Variants in EPHA6 observed in about 807,000 individuals in gnomAD.
EPHA6 encodes the protein EPH receptor A6.
A neutral mutation model predicts 112.0 loss-of-function variants in EPHA6; 50 were observed. That is an observed-to-expected ratio of 0.45 (90% CI 0.36 to 0.56). The LOEUF is 0.56. Ranked by LOEUF, EPHA6 falls within the 20% of genes least tolerant of loss-of-function variation. The pLI, the probability that EPHA6 is intolerant of heterozygous loss-of-function variation, is 0.00. For synonymous variants in EPHA6, 529 were observed against 490.7 expected (o/e 1.08, Z -1.03); for missense variants, 1,280 against 1,417.4 (o/e 0.90, Z 1.56).
intron 3 of EPHA6, among the ~76,000 whole-genome samples, chr3:97,175,146 G>A (rs759149290): frequency 6.6e-6 from 1 of 151,812 alleles, no homozygotes; most frequent in Non-Finnish European, 1.5e-5. Context: ...ACCATTTGTT[G>A]AAGGACTGTC....
At chr3:97,323,084 G>A (rs2082195735) in intron 5 of EPHA6, among the ~76,000 whole-genome samples, 2 of 151,798 alleles carry the variant, frequency 1.3e-5, no homozygotes, top group African/African-American at 4.8e-5. Context: ...ATCTAAATTT[G>A]AACAAAATAC....
At position 97,062,573 on chromosome 3, in the gene EPHA6, A is replaced by G. The variant is rs536580438; in HGVS notation, c.1114+74580A>G. ...CAACCCAAATCTCACCTTGAATTGTAGCTCCTATAATTCCCATGTGTTGTG... is the reference window on the plus strand; with the variant it reads ...CAACCCAAATCTCACCTTGAATTGTGGCTCCTATAATTCCCATGTGTTGTG... On this transcript the variant is annotated intron_variant, in intron 3 of 17. Coordinates refer to ENST00000389672, the MANE Select transcript of EPHA6 (RefSeq NM_001080448.3). Among the ~76,000 whole-genome samples, 3 of 152,316 alleles carry G rather than the reference A, an allele frequency of 2.0e-5. No homozygotes were observed. The South Asian group carries it at 6.2e-4, about 32-fold the overall frequency.
intron 6 of EPHA6, among the ~76,000 whole-genome samples, chr3:97,413,579 A>C (rs762233802): frequency 6.6e-6 from 1 of 152,076 alleles, no homozygotes; most frequent in Non-Finnish European, 1.5e-5. Context: ...AGCCTTTGAA[A>C]AGTGAGTGCA....
intron 3 of EPHA6, among the ~76,000 whole-genome samples, chr3:97,203,994 GA>G (rs930026710): frequency 5.4e-4 from 81 of 149,388 alleles, no homozygotes; most frequent in East Asian, 1.8e-3. Context: ...AATAATAAAT[GA>G]AAAAAAAAGA....
chr3:97,457,841 C>A (rs2090742109), intron 7 of EPHA6, among the ~76,000 whole-genome samples: 1 of 151,660 alleles, frequency 6.6e-6, no homozygotes, highest in African/African-American at 2.4e-5. Flanking sequence ...CCGAGGGGGG[C>A]GGATCACGAG....
At chr3:97,493,244 TTG>T (rs1391993919) in intron 10 of EPHA6, among the ~76,000 whole-genome samples, 2 of 151,646 alleles carry the variant, frequency 1.3e-5, no homozygotes, top group African/African-American at 4.8e-5. Flanking sequence ...GTAAATGTGT[TTG>T]TGTTTGTATG....
chr3:97,530,084 G>A (rs2092678836), intron 10 of EPHA6, among the ~76,000 whole-genome samples: 2 of 151,840 alleles, frequency 1.3e-5, no homozygotes, highest in South Asian at 2.1e-4. Flanking sequence ...TTAAGACAAA[G>A]TAAAAGAAAA....
At chr3:97,189,971 G>C (rs1273300340) in intron 3 of EPHA6, among the ~76,000 whole-genome samples, 1 of 151,972 alleles carries the variant, frequency 6.6e-6, no homozygotes, top group Non-Finnish European at 1.5e-5. Context: ...CAGTGTATTG[G>C]AGATGGATGA....
chr3:96,869,234 C>T (rs1414746582), intron 2 of EPHA6, among the ~76,000 whole-genome samples: 1 of 151,860 alleles, frequency 6.6e-6, no homozygotes, highest in Non-Finnish European at 1.5e-5. Flanking sequence ...TATTGAAGCA[C>T]AGCGATAATT....
rs528787676 is a variant in EPHA6, at chr3:96,830,368, A to T, written c.385+15360A>T. On this transcript the variant is annotated intron_variant, in intron 1 of 17. Transcript: ENST00000389672. ...ATGGAGGATTTGACATACCAGAAAA[A>T]AAGAAAATACCAAATACTTTTCAAC... Among the ~76,000 whole-genome samples the T allele has an allele frequency of 2.2e-4, 34 of 152,260 alleles. 1 individual carries two copies. Among genetic ancestry groups the T allele is most frequent in the African/African-American group, 5.8e-4 (24 of 41,560 alleles).
intron 10 of EPHA6, among the ~76,000 whole-genome samples, chr3:97,530,006 A>T (rs2107643097): frequency 6.6e-6 from 1 of 152,180 alleles, no homozygotes; most frequent in Non-Finnish European, 1.5e-5. Flanking sequence ...AATCATATGG[A>T]TTATGGGCTC....
chr3:97,555,753 C>T (rs1271393174), intron 11 of EPHA6, among the ~76,000 whole-genome samples: 1 of 152,040 alleles, frequency 6.6e-6, no homozygotes, highest in Non-Finnish European at 1.5e-5. Context: ...TCATATCCTT[C>T]ACCCACTTTT....
At chr3:97,066,450 T>TA in intron 3 of EPHA6, among the ~76,000 whole-genome samples, 1 of 152,280 alleles carries the variant, frequency 6.6e-6, no homozygotes, top group South Asian at 2.1e-4. Flanking sequence ...CTTCAGTTAT[T>TA]AAATAGGTCA....
chr3:97,439,396 T>G (rs758819689), intron 6 of EPHA6, among the ~76,000 whole-genome samples: 22 of 152,210 alleles, frequency 1.4e-4, no homozygotes, highest in Non-Finnish European at 2.9e-4. Context: ...CAACAGTGGC[T>G]AATTTTTACC....
intron 5 of EPHA6, among the ~76,000 whole-genome samples, chr3:97,294,592 G>GT (rs1373586348): frequency 6.6e-6 from 1 of 152,088 alleles, no homozygotes; most frequent in South Asian, 2.1e-4. Context: ...TTATTTTGTT[G>GT]TTTTTTGTCA....
intron 4 of EPHA6, among the ~76,000 whole-genome samples, chr3:97,241,144 A>G (rs2078833786): frequency 6.6e-6 from 1 of 151,296 alleles, no homozygotes; most frequent in Admixed American, 6.6e-5. Context: ...TAAAGTAGAA[A>G]TTCAAATTGA....
At chr3:96,965,869 A>G (rs1305536951) in intron 2 of EPHA6, among the ~76,000 whole-genome samples, 1 of 152,072 alleles carries the variant, frequency 6.6e-6, no homozygotes, top group African/African-American at 2.4e-5. Flanking sequence ...TCATATAGTA[A>G]GCCAGTTTGC....
chr3:97,260,097 A>C (rs2079451354), intron 5 of EPHA6, among the ~76,000 whole-genome samples: 1 of 152,218 alleles, frequency 6.6e-6, no homozygotes, highest in African/African-American at 2.4e-5. Flanking sequence ...CACCGTGCCC[A>C]GCCAGAAAGT....
intron 5 of EPHA6, among the ~76,000 whole-genome samples, chr3:97,402,176 C>T (rs764691959): frequency 1.7e-4 from 26 of 151,964 alleles, no homozygotes; most frequent in Admixed American, 3.3e-4. Context: ...TCCATTTGGT[C>T]TACAATGCTA....
Sources: allele counts gnomAD v4.1 joint callset (sites outside exome capture counted in the v4.1 genomes callset), GRCh38; gene constraint gnomAD v4.1.1; transcripts MANE v1.5; gene names NCBI Gene and HGNC (gene_info 2026-07-23, HGNC 2026-07-21).